The following ABHD17B variants were observed in gnomAD, a reference collection of about 807,000 sequenced individuals.
ABHD17B encodes alpha/beta hydrolase domain-containing protein 17B.
A neutral mutation model predicts 26.2 loss-of-function variants in ABHD17B; 9 were observed. That is an observed-to-expected ratio of 0.34 (90% CI 0.21 to 0.60). The LOEUF is 0.60. Ranked by LOEUF, ABHD17B falls within the 20% of genes least tolerant of loss-of-function variation. The probability of loss-of-function intolerance (pLI) is 0.80; values close to 1 mark genes in which losing one functional copy is unlikely to be tolerated. For missense variants in ABHD17B, 224 were observed against 352.1 expected (o/e 0.64, Z 2.91); for synonymous variants, 127 against 122.3 (o/e 1.04, Z -0.25).
At position 71,870,207 on chromosome 9, in the gene ABHD17B, GTAC is replaced by G. The variant is rs1441452914; in HGVS notation, c.520_522del (p.Val174del). ...TATCGAGCAGCAAGATCCACAGACG[GTAC>G]TGTCCCTATACTTTGGCCATATATA... is the stretch of plus-strand genomic sequence containing the variant. On this transcript the variant is annotated inframe_deletion, in exon 3 of 4. Coordinates refer to ENST00000333421, the MANE Select transcript of ABHD17B (RefSeq NM_001025780.3). 6.2e-7 allele frequency: 1 copy of G among 1,613,926 alleles called. No individual in the cohort carries two copies. The highest frequency in any genetic ancestry group is 8.5e-7 in the Non-Finnish European group (1 of 1,179,954).
chr9:71,864,718 C>T (rs1251467585), downstream of ABHD17B, among the ~76,000 whole-genome samples: 1 of 152,162 alleles, frequency 6.6e-6, no homozygotes, highest in Non-Finnish European at 1.5e-5. Flanking sequence ...GTACCTTTTA[C>T]CTGTTACAAT....
At chr9:71,906,951 T>C (rs1827303635) in intron 1 of ABHD17B, among the ~76,000 whole-genome samples, 1 of 152,198 alleles carries the variant, frequency 6.6e-6, no homozygotes, top group African/African-American at 2.4e-5. Context: ...AGTCTTGAGC[T>C]CGAGTATTTA....
chr9:71,877,927 A>G (rs1826326071), intron 1 of ABHD17B, among the ~76,000 whole-genome samples: 2 of 152,174 alleles, frequency 1.3e-5, no homozygotes, highest in African/African-American at 4.8e-5. Flanking sequence ...CAAAAGCCAG[A>G]TAACTGGGGC....
intron 1 of ABHD17B, among the ~76,000 whole-genome samples, chr9:71,891,678 T>C (rs1454672502): frequency 6.6e-6 from 1 of 152,156 alleles, no homozygotes; most frequent in African/African-American, 2.4e-5. Flanking sequence ...CTGTAACTGC[T>C]AGAATAAAGA....
At chr9:71,889,029 C>A (rs10746892) in intron 1 of ABHD17B, among the ~76,000 whole-genome samples, 120,499 of 148,268 alleles carry the variant, frequency 0.81, 49,294 homozygotes, top group East Asian at 0.93. Context: ...AAAAAAAAAA[C>A]AAACCAGCCA....
chr9:71,888,796 T>C (rs1425271693), intron 1 of ABHD17B, among the ~76,000 whole-genome samples: 1 of 152,102 alleles, frequency 6.6e-6, no homozygotes, highest in Non-Finnish European at 1.5e-5. Flanking sequence ...ATAAGGTGTT[T>C]CAATAAAGTT....
intron 1 of ABHD17B, among the ~76,000 whole-genome samples, chr9:71,907,273 A>G (rs1007555363): frequency 7.2e-5 from 11 of 152,198 alleles, no homozygotes; most frequent in Non-Finnish European, 1.2e-4. Context: ...ACATAGATAA[A>G]TCTTGGCCAA....
intron 1 of ABHD17B, among the ~76,000 whole-genome samples, chr9:71,890,867 TTC>T (rs1299599779): frequency 5.9e-5 from 9 of 152,190 alleles, no homozygotes; most frequent in African/African-American, 2.2e-4. Context: ...CCCCAGTGAT[TTC>T]TGTTTTAATT....
chr9:71,867,137 C>T, intron 3 of ABHD17B, 131 bp from the exon 4 acceptor site: 1 of 1,119,002 alleles, frequency 8.9e-7, no homozygotes, highest in South Asian at 1.6e-5. Flanking sequence ...AGAATGTCTC[C>T]TGAATTTCCA....
At chr9:71,873,723 T>C (rs536384783) in intron 2 of ABHD17B, among the ~76,000 whole-genome samples, 2 of 151,580 alleles carry the variant, frequency 1.3e-5, no homozygotes, top group Non-Finnish European at 2.9e-5. Flanking sequence ...TTAGTAGAGA[T>C]GGGGTTTCAC....
intron 1 of ABHD17B, among the ~76,000 whole-genome samples, chr9:71,909,938 G>A (rs1378213664): frequency 6.6e-6 from 1 of 150,996 alleles, no homozygotes; most frequent in African/African-American, 2.4e-5. Flanking sequence ...CCCCCACACA[G>A]TACAATCTAA....
At position 71,878,000 on chromosome 9, in the gene ABHD17B, C is replaced by T. The variant is rs578100775; in HGVS notation, c.-3-2917G>A. Among the ~76,000 whole-genome samples the T allele has an allele frequency of 5.9e-5, 9 of 152,278 alleles. No individual in the cohort carries two copies. In the East Asian group the frequency reaches 1.7e-3, roughly 29 times the overall value. On this transcript the variant is annotated intron_variant, in intron 1 of 3. Transcript: ENST00000333421. ...TAATAAGAGGCCTGGTATAGGGCAG[C>T]AACACAGACCTACTTTCAAAAGTTA...
chr9:71,907,035 G>A (rs939478352), intron 1 of ABHD17B, among the ~76,000 whole-genome samples: 3 of 152,094 alleles, frequency 2.0e-5, no homozygotes, highest in African/African-American at 7.2e-5. Flanking sequence ...TTAAAGTACT[G>A]TAAAATATTT....
chr9:71,902,114 A>G (rs1376262854), intron 1 of ABHD17B, among the ~76,000 whole-genome samples: 1 of 150,930 alleles, frequency 6.6e-6, no homozygotes, highest in African/African-American at 2.4e-5. Context: ...CCAACTCATC[A>G]CTCCCCCTTC....
intron 1 of ABHD17B, among the ~76,000 whole-genome samples, chr9:71,890,957 T>C (rs1826762796): frequency 6.6e-6 from 1 of 152,194 alleles, no homozygotes; most frequent in Admixed American, 6.5e-5. Flanking sequence ...CATACCTCTG[T>C]TGATTCTGAA....
chr9:71,881,371 A>C (rs917033220), intron 1 of ABHD17B, among the ~76,000 whole-genome samples: 1 of 152,246 alleles, frequency 6.6e-6, no homozygotes, highest in African/African-American at 2.4e-5. Flanking sequence ...TGTAAGATCT[A>C]AACTATGAAG....
At chr9:71,890,029 G>A (rs1157062446) in intron 1 of ABHD17B, among the ~76,000 whole-genome samples, 1 of 152,020 alleles carries the variant, frequency 6.6e-6, no homozygotes, top group Non-Finnish European at 1.5e-5. Context: ...AGGAAGCAGA[G>A]GCAGGTCGAT....
chr9:71,882,582 C>T (rs565521312), intron 1 of ABHD17B, among the ~76,000 whole-genome samples: 112 of 150,902 alleles, frequency 7.4e-4, no homozygotes, highest in African/African-American at 2.6e-3. Flanking sequence ...TGCTTGAACT[C>T]GGGAGGCGGA....
chr9:71,906,581 A>G (rs909342295), intron 1 of ABHD17B, among the ~76,000 whole-genome samples: 1 of 152,136 alleles, frequency 6.6e-6, no homozygotes, highest in Non-Finnish European at 1.5e-5. Context: ...GCTTTGGGAT[A>G]CTGAGGAGGG....
Sources: gnomAD v4.1 joint callset for allele counts (sites outside exome capture counted in the v4.1 genomes callset) on GRCh38, gnomAD v4.1.1 for gene constraint, MANE v1.5 for transcripts, NCBI Gene and HGNC (gene_info 2026-07-23, HGNC 2026-07-21) for gene names.